The following STARD13 variants were observed in gnomAD, a reference collection of about 807,000 sequenced individuals.
STARD13 encodes stAR-related lipid transfer protein 13.
In STARD13, 62 loss-of-function variants were observed where a neutral mutation model predicts 106.4. The observed-to-expected ratio is 0.58, with a 90% CI of 0.48 to 0.72. The LOEUF (loss-of-function observed/expected upper bound fraction) is 0.72, where lower values mean the gene tolerates loss of function less well. Ranked by LOEUF, STARD13 falls within the 30% of genes least tolerant of loss-of-function variation. STARD13 has a pLI of 0.00. For missense variants in STARD13, 1,387 were observed against 1,424.0 expected (o/e 0.97, Z 0.42); for synonymous variants, 565 against 553.0 (o/e 1.02, Z -0.31).
the STARD13 span, among the ~76,000 whole-genome samples, chr13:33,541,139 G>T: frequency 2.6e-5 from 4 of 151,882 alleles, no homozygotes; most frequent in Non-Finnish European, 4.4e-5. Flanking sequence ...TTTAAGGTTG[G>T]TTATATACGA....
the STARD13 span, among the ~76,000 whole-genome samples, chr13:33,530,765 T>C: frequency 6.6e-6 from 1 of 152,220 alleles, no homozygotes; most frequent in African/African-American, 2.4e-5. Flanking sequence ...ATGTATTCAT[T>C]CATTAGAGGC....
the STARD13 span, among the ~76,000 whole-genome samples, chr13:33,495,330 G>C: frequency 3.3e-5 from 5 of 152,086 alleles, no homozygotes; most frequent in African/African-American, 1.2e-4. Flanking sequence ...TGGAAATGTG[G>C]AATTTTGAAC....
the STARD13 span, among the ~76,000 whole-genome samples, chr13:33,361,267 C>A: frequency 6.6e-6 from 1 of 151,652 alleles, no homozygotes; most frequent in Non-Finnish European, 1.5e-5. Context: ...ACCTTTGTGA[C>A]GATCCACTTG....
intron 1 of STARD13, chr13:33,334,057 G>T (rs1376588897): frequency 6.6e-6 from 1 of 152,144 alleles, no homozygotes; most frequent in East Asian, 1.9e-4. Context: ...ACTCTGAAAA[G>T]AAAGAAGAGG....
chr13:33,433,081 T>C, the STARD13 span, among the ~76,000 whole-genome samples: 25 of 152,316 alleles, frequency 1.6e-4, no homozygotes, highest in African/African-American at 5.1e-4. Flanking sequence ...TCAGCAAACG[T>C]CTGTTATTGA....
At chr13:33,151,983 A>C (rs1281480709) in intron 3 of STARD13, among the ~76,000 whole-genome samples, 1 of 152,154 alleles carries the variant, frequency 6.6e-6, no homozygotes, top group Non-Finnish European at 1.5e-5. Flanking sequence ...GAAACAGGGA[A>C]ATAGGGAAGT....
chr13:33,522,674 T>C, the STARD13 span, among the ~76,000 whole-genome samples: 1 of 152,196 alleles, frequency 6.6e-6, no homozygotes, highest in Non-Finnish European at 1.5e-5. Flanking sequence ...CTTGGTAATA[T>C]GCATTACCTT....
chr13:33,359,949 A>G, the STARD13 span, among the ~76,000 whole-genome samples: 1 of 152,244 alleles, frequency 6.6e-6, no homozygotes, highest in Non-Finnish European at 1.5e-5. Context: ...CTGGTTATCT[A>G]AAATGATTTC....
chr13:33,495,396 G>A, the STARD13 span, among the ~76,000 whole-genome samples: 1 of 152,128 alleles, frequency 6.6e-6, no homozygotes, highest in East Asian at 1.9e-4. Flanking sequence ...AATAATATGA[G>A]CTCCTCTATA....
intron 1 of STARD13, among the ~76,000 whole-genome samples, chr13:33,207,239 C>T (rs1437049191): frequency 2.0e-5 from 3 of 152,092 alleles, no homozygotes; most frequent in Non-Finnish European, 4.4e-5. Flanking sequence ...AGGGAGAATA[C>T]GAAGTAAGCA....
chr13:33,382,276 G>T, the STARD13 span, among the ~76,000 whole-genome samples: 1 of 152,090 alleles, frequency 6.6e-6, no homozygotes, highest in African/African-American at 2.4e-5. Context: ...AAGTTGTGCC[G>T]AATCTCCCTG....
the STARD13 span, among the ~76,000 whole-genome samples, chr13:33,532,382 A>T: frequency 6.6e-6 from 1 of 152,200 alleles, no homozygotes; most frequent in Non-Finnish European, 1.5e-5. Flanking sequence ...ATTAAAACCC[A>T]GTAATTGTGG....
Position 33,201,617 on chromosome 13 carries a change from T to C in STARD13, c.170-33995A>G, listed in dbSNP as rs1887046762. On this transcript the variant is annotated intron_variant, in intron 1 of 13. Coordinates refer to ENST00000336934, the MANE Select transcript of STARD13 (RefSeq NM_178006.4). ...ACCAGTTTGAATCTCCAGCTCTCCA[T>C]GCAGTCAATTTTTAAATGAAAATGG... is the stretch of plus-strand genomic sequence containing the variant. Among the ~76,000 whole-genome samples, 6 of 152,260 alleles carry C rather than the reference T, an allele frequency of 3.9e-5. No homozygotes were observed. The South Asian group carries it at 1.2e-3, about 31-fold the overall frequency.
At chr13:33,333,240 A>G (rs563811843) in intron 1 of STARD13, among the ~76,000 whole-genome samples, 1 of 152,136 alleles carries the variant, frequency 6.6e-6, no homozygotes, top group African/African-American at 2.4e-5. Flanking sequence ...AAATACAAAA[A>G]TTAGCTGGGC....
the STARD13 span, among the ~76,000 whole-genome samples, chr13:33,459,606 A>C: frequency 6.6e-6 from 1 of 152,080 alleles, no homozygotes; most frequent in African/African-American, 2.4e-5. Context: ...TCTTTTTCTC[A>C]TGGAAGTGGG....
the STARD13 span, among the ~76,000 whole-genome samples, chr13:33,522,110 A>G: frequency 5.9e-5 from 9 of 152,178 alleles, no homozygotes; most frequent in African/African-American, 1.7e-4. Context: ...TTTATCAGGC[A>G]TTCTTTACGA....
chr13:33,138,742 C>T (rs1410176035), intron 4 of STARD13: 2 of 408,674 alleles, frequency 4.9e-6, no homozygotes, highest in Non-Finnish European at 9.8e-6. Context: ...TCCTGAAATG[C>T]TCTTGGCTGG....
At chr13:33,186,039 T>C (rs1594071127) in intron 1 of STARD13, 1 of 1,614,004 alleles carries the variant, frequency 6.2e-7, no homozygotes, top group Non-Finnish European at 8.5e-7. Flanking sequence ...TCAAAGAAAT[T>C]CAGAGCAAGG....
rs2003808 is a variant in STARD13, at chr13:33,223,425, G to A, written c.170-55803C>T. Among the ~76,000 whole-genome samples the A allele has an allele frequency of 4.4e-3, 672 of 152,202 alleles. 8 individuals are homozygous for A. Among genetic ancestry groups the A allele is most frequent in the African/African-American group, 0.015 (634 of 41,520 alleles). On this transcript the variant is annotated intron_variant, in intron 1 of 13. Transcript: ENST00000336934. ...TGTAATCCCAGCACTTTGGGAGGCC[G>A]AGGTGGGTGGATCACCTGATGTCAG...
Sources: gnomAD v4.1 joint callset for allele counts (sites outside exome capture counted in the v4.1 genomes callset) on GRCh38, gnomAD v4.1.1 for gene constraint, MANE v1.5 for transcripts, NCBI Gene and HGNC (gene_info 2026-07-23, HGNC 2026-07-21) for gene names.